MCF2L: variants seen among roughly 807,000 people sequenced by gnomAD.
MCF2L encodes the protein MCF.2 cell line derived transforming sequence like.
A neutral mutation model predicts 153.4 loss-of-function variants in MCF2L; 97 were observed. That is an observed-to-expected ratio of 0.63 (90% confidence interval 0.54 to 0.75). MCF2L has a LOEUF of 0.75. Among genes scored for constraint, MCF2L ranks in the 30% least tolerant of loss-of-function variants. The pLI is 0.00. For synonymous variants in MCF2L, 659 were observed against 632.2 expected, an observed-to-expected ratio of 1.04 and a Z score of -0.64; for missense variants, 1,347 against 1,495.2, an observed-to-expected ratio of 0.90 and a Z score of 1.64.
At chr13:113,088,220 G>T (rs2034827614) in intron 23 of MCF2L, 107 bp from the exon 24 acceptor site, 3 of 991,956 alleles carry the variant, frequency 3.0e-6, no homozygotes, top group Non-Finnish European at 4.9e-6. Flanking sequence ...GCAGCCACCT[G>T]ACCTTTGACT....
chr13:113,086,083 C>G (rs1158074806), intron 20 of MCF2L, 41 bp from the exon 21 acceptor site: 1 of 1,580,774 alleles, frequency 6.3e-7, no homozygotes, highest in Non-Finnish European at 8.6e-7. Flanking sequence ...AGCCAGGGCT[C>G]TCCGTGTCCC....
At position 113,000,011 on chromosome 13, in the gene MCF2L, G is replaced by A. The variant is rs148893809; in HGVS notation, c.80-14752G>A. Among the ~76,000 whole-genome samples the A allele has an allele frequency of 8.0e-3, 1,196 of 150,044 alleles. 11 individuals carry two copies. Among genetic ancestry groups the A allele is most frequent in the African/African-American group, 0.028 (1,137 of 41,126 alleles). On this transcript the variant is annotated intron_variant, in intron 1 of 29. Coordinates refer to ENST00000535094, the MANE Select transcript of MCF2L (RefSeq NM_001112732.3). ...CGAGTGGGCCGGGAATGAAGACGCCGGCAGGCCCCAGAGTGGAGGCAGGGC... is the reference window on the plus strand; with the variant it reads ...CGAGTGGGCCGGGAATGAAGACGCCAGCAGGCCCCAGAGTGGAGGCAGGGC...
Position 113,014,765 on chromosome 13 carries a change from G to A in MCF2L, c.82G>A (p.Glu28Lys), listed in dbSNP as rs146840178. The A allele has an allele frequency of 2.5e-6, 4 of 1,613,568 alleles. No individual in the cohort carries two copies. The highest frequency in any genetic ancestry group is 1.3e-5 in the African/African-American group (1 of 74,922). Residue 28 changes from glutamate (E) to lysine (K), a missense_variant and splice_region_variant, in exon 2 of 30, where the codon GAA (glutamate) becomes AAA (lysine). Coordinates refer to ENST00000535094, the MANE Select transcript of MCF2L (RefSeq NM_001112732.3). The stretch of plus-strand genomic sequence containing the variant: ...TGCCGTCTGCTCTTTCCGTGCAGAT[G>A]AAATCATGCACCAGGACATCGTCCC... ...RLNAVSKHTD[E>K]IMHQDIVPLC...
chr13:112,948,095 G>A (rs1487587395), intron 2 of MCF2L, among the ~76,000 whole-genome samples: 1 of 152,220 alleles, frequency 6.6e-6, no homozygotes, highest in Non-Finnish European at 1.5e-5. Flanking sequence ...TGTGGGCAGT[G>A]AGGTTGCATG....
At chr13:112,984,785 A>G (rs1320522) in intron 1 of MCF2L, among the ~76,000 whole-genome samples, 142,934 of 152,172 alleles carry the variant, frequency 0.94, 67,347 homozygotes, top group Non-Finnish European at 0.98. Flanking sequence ...ACTCCCTCGA[A>G]GGAAAGCTGG....
intron 17 of MCF2L, among the ~76,000 whole-genome samples, chr13:113,082,944 C>A (rs1213023395): frequency 2.6e-5 from 4 of 152,150 alleles, no homozygotes; most frequent in Admixed American, 2.0e-4. Context: ...GAAGGCCATA[C>A]CACATAGCAA....
At chr13:113,066,863 C>T (rs1025854749) in intron 8 of MCF2L, among the ~76,000 whole-genome samples, 1 of 152,232 alleles carries the variant, frequency 6.6e-6, no homozygotes, top group African/African-American at 2.4e-5. Context: ...GCGGGGCGCA[C>T]CCAGGCCTGG....
intron 2 of MCF2L, chr13:112,956,693 G>C (rs973375246): frequency 1.3e-5 from 2 of 152,236 alleles, no homozygotes; most frequent in African/African-American, 4.8e-5. Context: ...AGCGAGGTTG[G>C]CCACATAGGT....
chr13:112,958,808 G>T (rs528448236), intron 2 of MCF2L, among the ~76,000 whole-genome samples: 13 of 152,350 alleles, frequency 8.5e-5, no homozygotes, highest in African/African-American at 2.9e-4. Flanking sequence ...GGGATTCCAG[G>T]TTCTGCCTTG....
chr13:113,085,342 G>A (rs1028019348), intron 20 of MCF2L, among the ~76,000 whole-genome samples, 164 bp downstream of exon 20: 2 of 152,188 alleles, frequency 1.3e-5, no homozygotes, highest in East Asian at 1.9e-4. Context: ...CCTACTGTGC[G>A]CCACTGTTAG....
In MCF2L at chr13:113,096,871, C is replaced by G; in HGVS notation, c.*12C>G. ...ACCTGCAGGGGTAGCGCGGCCTCGG[C>G]GCCGGAGACCCGCGCGCTGTCTGGG... On this transcript the variant is annotated 3_prime_UTR_variant, in exon 30 of 30. Transcript: ENST00000535094. 1.4e-6 allele frequency: 2 copies of G among 1,407,586 alleles called. No homozygotes were observed. Among genetic ancestry groups the G allele is most frequent in the Non-Finnish European group, 1.8e-6 (2 of 1,088,042 alleles). The allele number at this position is 1,407,586 out of a possible 1,614,324, so 87.2% of individuals were successfully genotyped here.
chr13:113,011,624 G>A (rs889455584), intron 1 of MCF2L, among the ~76,000 whole-genome samples: 4 of 150,968 alleles, frequency 2.6e-5, no homozygotes, highest in Non-Finnish European at 5.9e-5. Context: ...TGGTGGACAG[G>A]TGGTGTGGAC....
At chr13:112,976,509 C>T (rs560581115) in intron 1 of MCF2L, among the ~76,000 whole-genome samples, 1 of 152,300 alleles carries the variant, frequency 6.6e-6, no homozygotes, top group Non-Finnish European at 1.5e-5. Context: ...GGGGACCACA[C>T]GCGGCTCTGG....
intron 2 of MCF2L, among the ~76,000 whole-genome samples, chr13:113,017,869 C>T (rs371671149): frequency 1.1e-4 from 16 of 152,212 alleles, no homozygotes; most frequent in African/African-American, 3.4e-4. Context: ...GAATGGCTTC[C>T]GTGAAGTGCC....
Position 113,064,951 on chromosome 13 carries a change from G to T in MCF2L, c.622G>T (p.Ala208Ser), listed in dbSNP as rs753146067. The T allele has an allele frequency of 1.2e-6, 2 of 1,612,846 alleles. No homozygotes were observed. Among genetic ancestry groups the T allele is most frequent in the South Asian group, 2.2e-5 (2 of 91,050 alleles). ...TGTCCCCAAGGCCATCGAAAGTTTCGCCCTCATGGTGAAGCAGACGGCTCA... is the reference window on the plus strand; with the variant it reads ...TGTCCCCAAGGCCATCGAAAGTTTCTCCCTCATGGTGAAGCAGACGGCTCA... ...LCQRTAIESF[A>S]LMVKQTAQML... The change falls in exon 7 of 30, where the codon GCC becomes TCC. Residue 208 changes from alanine to serine, a missense_variant. Ala to Ser is a moderately conservative substitution (Grantham distance 99). Coordinates refer to ENST00000535094, the MANE Select transcript of MCF2L (RefSeq NM_001112732.3). The surrounding 1 kb of genome is among the most constrained non-coding windows in gnomAD (Gnocchi z 6.0).
rs936710709 is a variant in MCF2L, at chr13:113,059,393, C to T, written c.370-1200C>T. Among the ~76,000 whole-genome samples, 8 of 152,344 alleles carry T rather than the reference C, an allele frequency of 5.3e-5. No individual in the cohort carries two copies. The South Asian group carries it at 8.3e-4, about 16-fold the overall frequency. On this transcript the variant is annotated intron_variant, in intron 4 of 29. Transcript: ENST00000535094. The stretch of plus-strand genomic sequence containing the variant: ...GCCCAGGCAGGACATCCTGGTGAGT[C>T]GGTCACTCCTCCTCTAGTCCTTGCT...
Position 113,078,473 on chromosome 13 carries a change from C to A in MCF2L, c.1734+37C>A, listed in dbSNP as rs371275967. ...CCAAGACAACCCCGCCATCCACACC[C>A]CCCTCCTTGGTTCACGCTGGGCCTG... On this transcript the variant is annotated intron_variant, in intron 14 of 29. Coordinates refer to ENST00000535094, the MANE Select transcript of MCF2L (RefSeq NM_001112732.3). 8.9e-6 allele frequency: 14 copies of A among 1,575,804 alleles called. No homozygotes were observed. In the African/African-American group the frequency reaches 1.3e-4, roughly 15 times the overall value.
At chr13:113,080,991 AGTCTGGGAACCAGGGAGGCTTCAGCCGCC>A (rs2034079114) in intron 15 of MCF2L, among the ~76,000 whole-genome samples, 193 bp from the exon 16 acceptor site, 1 of 152,222 alleles carries the variant, frequency 6.6e-6, no homozygotes, top group Non-Finnish European at 1.5e-5. Flanking sequence ...ACTGCCGGCC[AGTCTGGGAACCAGGGAGGCTTCAGCCGCC>A]GTCTGCAGGG....
In MCF2L at chr13:113,077,044, G is replaced by A. The variant is rs200020885; in HGVS notation, c.1501-8G>A. On this transcript the variant is annotated splice_region_variant and splice_polypyrimidine_tract_variant and intron_variant, in intron 12 of 29. Coordinates refer to ENST00000535094, the MANE Select transcript of MCF2L (RefSeq NM_001112732.3). ...GTGCAAGGCACCTTACTGAGCATGC[G>A]GTTTCAGGAGCACGTGCGAAAGGTC... The A allele has an allele frequency of 1.5e-5, 24 of 1,607,562 alleles. No homozygotes were observed. The highest frequency in any genetic ancestry group is 8.8e-5 in the South Asian group (8 of 90,502).
Sources: gnomAD v4.1 joint callset for allele counts (sites outside exome capture counted in the v4.1 genomes callset) on GRCh38, gnomAD v4.1.1 for gene constraint, Gnocchi (gnomAD v3.1) non-coding constraint, MANE v1.5 for transcripts, NCBI Gene and HGNC (gene_info 2026-07-23, HGNC 2026-07-21) for gene names.